BCKDHB: variants seen among roughly 807,000 people sequenced by gnomAD.
BCKDHB encodes the protein branched chain keto acid dehydrogenase E1 subunit beta.
In BCKDHB, 41 loss-of-function variants were observed where a neutral mutation model predicts 48.5. The ratio of observed to expected loss-of-function variants is 0.85; its 90% CI spans 0.66 to 1.10. The LOEUF is 1.10. Among genes scored for constraint, BCKDHB ranks in the 50% least tolerant of loss-of-function variants. The pLI, the probability that BCKDHB is intolerant of heterozygous loss-of-function variation, is 0.00. For synonymous variants in BCKDHB, 201 were observed against 174.8 expected (o/e 1.15, Z -1.18); for missense variants, 496 against 494.2 (o/e 1.00, Z -0.03).
At chr6:80,299,290 G>A (rs942449752) in intron 9 of BCKDHB, among the ~76,000 whole-genome samples, 2 of 152,164 alleles carry the variant, frequency 1.3e-5, no homozygotes, top group Admixed American at 6.5e-5. Flanking sequence ...GCCAGTTGGT[G>A]TGTGTGTGCA....
the BCKDHB span, among the ~76,000 whole-genome samples, chr6:80,423,797 C>A: frequency 6.6e-6 from 1 of 152,096 alleles, no homozygotes; most frequent in Non-Finnish European, 1.5e-5. Flanking sequence ...TCTTTCTTAC[C>A]CAAGCTCTTT....
chr6:80,217,643 A>T (rs983212163), intron 8 of BCKDHB, among the ~76,000 whole-genome samples: 4 of 152,198 alleles, frequency 2.6e-5, no homozygotes, highest in African/African-American at 9.7e-5. Context: ...CTCCCTAAAC[A>T]CAGCCACTTT....
intron 3 of BCKDHB, among the ~76,000 whole-genome samples, chr6:80,158,790 T>G (rs1772176602): frequency 6.6e-6 from 1 of 152,208 alleles, no homozygotes; most frequent in South Asian, 2.1e-4. Flanking sequence ...ATAGCTGAAG[T>G]GCTGATATCT....
At chr6:80,425,513 A>G in the BCKDHB span, among the ~76,000 whole-genome samples, 1 of 152,320 alleles carries the variant, frequency 6.6e-6, no homozygotes, top group South Asian at 2.1e-4. Flanking sequence ...CATCTGGAGT[A>G]TCTGATAATA....
intron 6 of BCKDHB, among the ~76,000 whole-genome samples, chr6:80,199,858 G>A (rs1453849475): frequency 1.3e-5 from 2 of 149,350 alleles, no homozygotes; most frequent in African/African-American, 2.5e-5. Flanking sequence ...GATCATTTGA[G>A]GTCAGGAGTT....
At chr6:80,237,440 C>T (rs940404767) in intron 8 of BCKDHB, among the ~76,000 whole-genome samples, 1 of 152,156 alleles carries the variant, frequency 6.6e-6, no homozygotes, top group African/African-American at 2.4e-5. Flanking sequence ...TCTAGTGAAA[C>T]TTATGATCAT....
chr6:80,435,845 A>C, the BCKDHB span, among the ~76,000 whole-genome samples: 14 of 152,134 alleles, frequency 9.2e-5, no homozygotes, highest in Non-Finnish European at 2.1e-4. Flanking sequence ...CAGCCTGACC[A>C]ACGTGGTAAA....
chr6:80,293,685 T>C (rs1251926347), intron 9 of BCKDHB, among the ~76,000 whole-genome samples: 2 of 152,222 alleles, frequency 1.3e-5, no homozygotes, highest in African/African-American at 4.8e-5. Flanking sequence ...TTCTATTGCA[T>C]TGTCAGTCTG....
intron 9 of BCKDHB, among the ~76,000 whole-genome samples, chr6:80,300,699 A>T (rs572720656): frequency 2.0e-5 from 3 of 152,184 alleles, no homozygotes; most frequent in Non-Finnish European, 4.4e-5. Flanking sequence ...ACTGCAGAAT[A>T]TATATTATTT....
intron 8 of BCKDHB, among the ~76,000 whole-genome samples, chr6:80,235,922 C>T (rs368980772): frequency 6.6e-6 from 1 of 152,158 alleles, no homozygotes; most frequent in Non-Finnish European, 1.5e-5. Context: ...GAATGGCTCT[C>T]ATTAGCTTTG....
chr6:80,404,029 T>C, the BCKDHB span, among the ~76,000 whole-genome samples: 1 of 151,982 alleles, frequency 6.6e-6, no homozygotes, highest in East Asian at 1.9e-4. Flanking sequence ...GGTATTGGCT[T>C]GTAGTTTTCT....
the BCKDHB span, among the ~76,000 whole-genome samples, chr6:80,430,050 G>T: frequency 1.3e-5 from 2 of 152,152 alleles, no homozygotes; most frequent in African/African-American, 4.8e-5. Flanking sequence ...TCGATACCTA[G>T]TTTATTGAGA....
the BCKDHB span, among the ~76,000 whole-genome samples, chr6:80,411,721 C>G: frequency 6.6e-6 from 1 of 152,242 alleles, no homozygotes; most frequent in African/African-American, 2.4e-5. Flanking sequence ...TGATCTCAGA[C>G]TGCTGCGCTA....
At chr6:80,454,862 C>G in the BCKDHB span, among the ~76,000 whole-genome samples, 4 of 152,324 alleles carry the variant, frequency 2.6e-5, no homozygotes, top group South Asian at 4.1e-4. Flanking sequence ...ACTTGTCCTT[C>G]TTAATGACTC....
the BCKDHB span, among the ~76,000 whole-genome samples, chr6:80,373,471 C>G: frequency 5.9e-5 from 9 of 151,922 alleles, no homozygotes. Flanking sequence ...CTTCTAGGCT[C>G]TTTGTTATTT....
chr6:80,438,884 C>T, the BCKDHB span, among the ~76,000 whole-genome samples: 9 of 152,154 alleles, frequency 5.9e-5, no homozygotes, highest in Middle Eastern at 3.4e-3. Flanking sequence ...TGTAACAGAG[C>T]GGAAGTAAAT....
Position 80,156,939 on chromosome 6 carries a change from T to C in BCKDHB, c.344-10739T>C, listed in dbSNP as rs139529187. 4.5e-3 allele frequency among the ~76,000 whole-genome samples: 689 copies of C among 152,320 alleles called. 8 individuals carry two copies. The highest frequency in any genetic ancestry group is 7.3e-3 in the Non-Finnish European group (496 of 68,028). ...TTTAATTTATAAATTTGTTTTGGCT[T>C]TGTCTTTTTATCAGGGTAATAAATG... On this transcript the variant is annotated intron_variant, in intron 3 of 9. Transcript: ENST00000320393.
intron 9 of BCKDHB, among the ~76,000 whole-genome samples, chr6:80,325,684 A>G (rs1562231284): frequency 6.6e-6 from 1 of 152,234 alleles, no homozygotes; most frequent in Non-Finnish European, 1.5e-5. Flanking sequence ...CAATGAGCAG[A>G]AAACCTGTTG....
intron 8 of BCKDHB, among the ~76,000 whole-genome samples, chr6:80,235,278 G>C (rs1582412219): frequency 2.0e-5 from 3 of 152,240 alleles, no homozygotes; most frequent in East Asian, 3.9e-4. Flanking sequence ...CCATAAATAT[G>C]TACAACTGTT....
Sources: gnomAD v4.1 joint callset for allele counts (sites outside exome capture counted in the v4.1 genomes callset) on GRCh38, gnomAD v4.1.1 for gene constraint, MANE v1.5 for transcripts, NCBI Gene and HGNC (gene_info 2026-07-23, HGNC 2026-07-21) for gene names.